The following NTM variants were observed in gnomAD, a reference collection of about 807,000 sequenced individuals.
NTM encodes the protein neurotrimin, also known as IgLON family member 2.
In NTM, 13 loss-of-function variants were observed where a neutral mutation model predicts 42.1. The ratio of observed to expected loss-of-function variants is 0.31; its 90% CI spans 0.20 to 0.49. NTM has a LOEUF of 0.49. NTM is among the 20% of genes least tolerant of loss of function. NTM has a pLI of 0.99. For synonymous variants in NTM, 187 were observed against 179.2 expected (o/e 1.04, Z -0.35); for missense variants, 373 against 452.8 (o/e 0.82, Z 1.60).
At chr11:131,812,497 T>C (rs1393346332) in intron 1 of NTM, among the ~76,000 whole-genome samples, 1 of 151,938 alleles carries the variant, frequency 6.6e-6, no homozygotes, top group African/African-American at 2.4e-5. Context: ...TCTCCATCCC[T>C]CCTTTTTCCT....
intron 1 of NTM, among the ~76,000 whole-genome samples, chr11:131,688,643 T>G (rs1451414342): frequency 6.6e-6 from 1 of 152,228 alleles, no homozygotes; most frequent in Non-Finnish European, 1.5e-5. Flanking sequence ...CCCCAGTGAC[T>G]GTCCAGCATC....
chr11:131,562,791 C>T (rs1458358505), intron 1 of NTM, among the ~76,000 whole-genome samples: 1 of 152,204 alleles, frequency 6.6e-6, no homozygotes, highest in Non-Finnish European at 1.5e-5. Flanking sequence ...CTAACCACTT[C>T]CTGTTTGTTC....
intron 1 of NTM, among the ~76,000 whole-genome samples, chr11:131,629,473 C>T (rs756651865): frequency 6.6e-6 from 1 of 152,158 alleles, no homozygotes; most frequent in Non-Finnish European, 1.5e-5. Context: ...ACAGAACAGG[C>T]AGCTATATGG....
intron 1 of NTM, among the ~76,000 whole-genome samples, chr11:131,689,143 G>A (rs368065738): frequency 2.6e-5 from 4 of 152,078 alleles, no homozygotes; most frequent in Non-Finnish European, 5.9e-5. Context: ...CCTACCCGGA[G>A]CTCTGCTTTT....
At chr11:131,440,742 G>A (rs11222617) in intron 1 of NTM, among the ~76,000 whole-genome samples, 59,754 of 145,016 alleles carry the variant, frequency 0.41, 12,831 homozygotes, top group Non-Finnish European at 0.5. Context: ...GATGAGTGAC[G>A]GAATGTAACT....
rs977574751 is a variant in NTM, at chr11:132,330,110, C to T, written c.935-43C>T. The T allele has an allele frequency of 1.2e-5, 18 of 1,550,394 alleles. No individual in the cohort carries two copies. The African/African-American group carries it at 1.6e-4, about 14-fold the overall frequency. On this transcript the variant is annotated intron_variant, in intron 7 of 8. Coordinates refer to ENST00000683400, the MANE Select transcript of NTM (RefSeq NM_001352005.2). ...CTGAGGGCAAAGTGAGCATCTCCGT[C>T]TGCTTTCGACCTTAACAGTGGCTTG...
At chr11:132,082,930 G>A (rs1160048926) in intron 2 of NTM, among the ~76,000 whole-genome samples, 5 of 152,170 alleles carry the variant, frequency 3.3e-5, no homozygotes, top group Admixed American at 1.3e-4. Flanking sequence ...GCTGCTGGCA[G>A]GCTCAGATAA....
intron 2 of NTM, among the ~76,000 whole-genome samples, chr11:132,066,101 T>C (rs982082173): frequency 6.6e-6 from 1 of 152,224 alleles, no homozygotes; most frequent in African/African-American, 2.4e-5. Context: ...ACATGATGCC[T>C]ACTCTAACAT....
At chr11:132,060,066 G>C (rs1196397791) in intron 2 of NTM, among the ~76,000 whole-genome samples, 5 of 152,192 alleles carry the variant, frequency 3.3e-5, no homozygotes. Flanking sequence ...GCATCCAGGA[G>C]GGGATTCTTC....
At chr11:131,795,272 C>A in intron 1 of NTM, 1 of 498,072 alleles carries the variant, frequency 2.0e-6, no homozygotes, top group Non-Finnish European at 2.6e-6. Context: ...TCATTTCTTC[C>A]TTATAGGGTT....
At chr11:131,709,417 A>G (rs939407730) in intron 1 of NTM, among the ~76,000 whole-genome samples, 1 of 152,238 alleles carries the variant, frequency 6.6e-6, no homozygotes, top group Non-Finnish European at 1.5e-5. Flanking sequence ...TGCAAGAAAT[A>G]AATGACAGTG....
chr11:131,999,993 C>CT (rs2068869750), intron 2 of NTM, among the ~76,000 whole-genome samples: 1 of 151,696 alleles, frequency 6.6e-6, no homozygotes, highest in Admixed American at 6.6e-5. Flanking sequence ...TTTTCTTTTT[C>CT]TTTTTTCCCC....
At chr11:131,699,758 A>G in intron 1 of NTM, among the ~76,000 whole-genome samples, 1 of 152,084 alleles carries the variant, frequency 6.6e-6, no homozygotes, top group African/African-American at 2.4e-5. Context: ...AAACCATCAG[A>G]TCTCATGAGA....
At chr11:132,194,583 A>G (rs1274961631) in intron 3 of NTM, among the ~76,000 whole-genome samples, 2 of 152,114 alleles carry the variant, frequency 1.3e-5, no homozygotes, top group Non-Finnish European at 2.9e-5. Context: ...CTCTCACCAG[A>G]CCTATGTAAC....
chr11:132,266,298 A>T (rs760016610), intron 4 of NTM, among the ~76,000 whole-genome samples: 1 of 152,140 alleles, frequency 6.6e-6, no homozygotes, highest in Non-Finnish European at 1.5e-5. Flanking sequence ...AGCCTCCCTG[A>T]GGTGAGTCCA....
At chr11:132,230,846 A>AC (rs937164248) in intron 4 of NTM, among the ~76,000 whole-genome samples, 14 of 151,598 alleles carry the variant, frequency 9.2e-5, no homozygotes, top group East Asian at 3.9e-4. Context: ...ACATAATGAG[A>AC]CCCCCATCTC....
At chr11:132,073,855 C>T (rs540511907) in intron 2 of NTM, among the ~76,000 whole-genome samples, 2 of 152,216 alleles carry the variant, frequency 1.3e-5, no homozygotes, top group Non-Finnish European at 2.9e-5. Context: ...GGCCACAAAC[C>T]TGTTTGGGGT....
intron 1 of NTM, chr11:131,502,686 T>G (rs1343103858): frequency 6.6e-6 from 1 of 152,248 alleles, no homozygotes; most frequent in Non-Finnish European, 1.5e-5. Flanking sequence ...ATTTGCTTGT[T>G]GTTGAAGTCA....
At chr11:132,018,678 T>A (rs919961470) in intron 2 of NTM, among the ~76,000 whole-genome samples, 4 of 152,050 alleles carry the variant, frequency 2.6e-5, no homozygotes, top group African/African-American at 9.6e-5. Flanking sequence ...TATAGTAATC[T>A]GTATTTTTAT....
Sources: gnomAD v4.1 joint callset for allele counts (sites outside exome capture counted in the v4.1 genomes callset) on GRCh38, gnomAD v4.1.1 for gene constraint, MANE v1.5 for transcripts, NCBI Gene and HGNC (gene_info 2026-07-23, HGNC 2026-07-21) for gene names.